SLC24A3: variants seen among roughly 807,000 people sequenced by gnomAD.
SLC24A3 encodes the protein sodium/potassium/calcium exchanger 3.
Under a neutral mutation model 75.8 loss-of-function variants are expected in SLC24A3, and 28 were observed. That is an observed-to-expected ratio of 0.37 (90% CI 0.27 to 0.51). The LOEUF (loss-of-function observed/expected upper bound fraction) is 0.51. SLC24A3 is among the 20% of genes least tolerant of loss of function. The pLI is 0.94. For missense variants in SLC24A3, 663 were observed against 847.8 expected (o/e 0.78, Z 2.71); for synonymous variants, 372 against 334.1 (o/e 1.11, Z -1.24).
intron 1 of SLC24A3, among the ~76,000 whole-genome samples, chr20:19,235,636 G>C (rs928255979): frequency 6.6e-6 from 1 of 152,158 alleles, no homozygotes; most frequent in African/African-American, 2.4e-5. Flanking sequence ...CCTTGTACTT[G>C]CACCTTCTGG....
chr20:19,422,140 A>C (rs1196498317), intron 2 of SLC24A3, among the ~76,000 whole-genome samples: 1 of 152,094 alleles, frequency 6.6e-6, no homozygotes, highest in African/African-American at 2.4e-5. Context: ...GAACACATGC[A>C]GACTGGGTAG....
chr20:19,671,359 T>A (rs1472699411), intron 8 of SLC24A3, among the ~76,000 whole-genome samples: 1 of 152,082 alleles, frequency 6.6e-6, no homozygotes, highest in East Asian at 1.9e-4. Flanking sequence ...GAAACTTTCA[T>A]TTTTTTTCTT....
chr20:19,435,208 A>G (rs1160025000), intron 2 of SLC24A3, among the ~76,000 whole-genome samples: 1 of 152,200 alleles, frequency 6.6e-6, no homozygotes, highest in African/African-American at 2.4e-5. Flanking sequence ...CAGCTGCAGA[A>G]AGTTGGGAAA....
rs376140146 is a variant in SLC24A3, at chr20:19,249,943, A to G, written c.143-31016A>G. Among the ~76,000 whole-genome samples the G allele has an allele frequency of 9.8e-5, 15 of 152,322 alleles. No homozygotes were observed. In the East Asian group the frequency reaches 2.3e-3, roughly 23 times the overall value. ...GACTGCCTATGCTCAGCATTTTCAG[A>G]CAGTTGTTCTTTGGAGGAGTCTTTG... On this transcript the variant is annotated intron_variant, in intron 1 of 16. Coordinates refer to ENST00000328041, the MANE Select transcript of SLC24A3 (RefSeq NM_020689.4).
At chr20:19,601,330 C>G (rs2031524446) in intron 6 of SLC24A3, among the ~76,000 whole-genome samples, 1 of 152,198 alleles carries the variant, frequency 6.6e-6, no homozygotes, top group Admixed American at 6.5e-5. Context: ...GCTGCCCTCT[C>G]AGAAATCTCC....
chr20:19,233,630 A>G (rs1160693288), intron 1 of SLC24A3, among the ~76,000 whole-genome samples: 6 of 152,176 alleles, frequency 3.9e-5, no homozygotes, highest in Admixed American at 3.9e-4. Context: ...GGAATGAAAT[A>G]TTTTATGTTG....
At chr20:19,537,132 C>T (rs967392037) in intron 3 of SLC24A3, among the ~76,000 whole-genome samples, 2 of 152,162 alleles carry the variant, frequency 1.3e-5, no homozygotes, top group Non-Finnish European at 2.9e-5. Flanking sequence ...ACTCACCTGA[C>T]AAAGGGCTAA....
At chr20:19,332,229 T>C (rs924560517) in intron 2 of SLC24A3, among the ~76,000 whole-genome samples, 3 of 152,152 alleles carry the variant, frequency 2.0e-5, no homozygotes, top group African/African-American at 7.2e-5. Context: ...ACTCTGATTA[T>C]TGTGTGGAGC....
At chr20:19,473,950 G>T (rs1012469170) in intron 2 of SLC24A3, among the ~76,000 whole-genome samples, 1 of 152,248 alleles carries the variant, frequency 6.6e-6, no homozygotes, top group Non-Finnish European at 1.5e-5. Context: ...CTGTCTGGAT[G>T]CTGAATTGTC....
chr20:19,681,119 T>TA (rs1342503312), intron 9 of SLC24A3, among the ~76,000 whole-genome samples: 1 of 152,156 alleles, frequency 6.6e-6, no homozygotes, highest in Non-Finnish European at 1.5e-5. Context: ...AGGGAGACTG[T>TA]AAAAAACCAT....
At chr20:19,536,579 G>A (rs964094873) in intron 3 of SLC24A3, among the ~76,000 whole-genome samples, 2 of 152,268 alleles carry the variant, frequency 1.3e-5, no homozygotes, top group African/African-American at 4.8e-5. Context: ...TCAATCCTAA[G>A]CCAAAAGAAC....
intron 2 of SLC24A3, among the ~76,000 whole-genome samples, chr20:19,297,354 C>T (rs575609744): frequency 2.0e-5 from 3 of 152,218 alleles, no homozygotes; most frequent in Admixed American, 1.3e-4. Flanking sequence ...AAACCTTTGC[C>T]CCCTGCCTCT....
chr20:19,443,307 C>A (rs1302078564), intron 2 of SLC24A3, among the ~76,000 whole-genome samples: 2 of 152,120 alleles, frequency 1.3e-5, no homozygotes, highest in Admixed American at 6.5e-5. Context: ...GTCTTGCTAT[C>A]CATTAACATG....
At chr20:19,280,291 A>G (rs1801902692) in intron 1 of SLC24A3, among the ~76,000 whole-genome samples, 1 of 152,140 alleles carries the variant, frequency 6.6e-6, no homozygotes, top group African/African-American at 2.4e-5. Flanking sequence ...TCTCTTGTTC[A>G]TTGAAAACAT....
At chr20:19,462,082 G>A (rs1987686891) in intron 2 of SLC24A3, among the ~76,000 whole-genome samples, 1 of 152,070 alleles carries the variant, frequency 6.6e-6, no homozygotes, top group South Asian at 2.1e-4. Flanking sequence ...CCTGTACATG[G>A]GTAAGTGCAT....
chr20:19,700,792 C>T (rs1472281586), intron 15 of SLC24A3, among the ~76,000 whole-genome samples: 1 of 152,158 alleles, frequency 6.6e-6, no homozygotes, highest in Non-Finnish European at 1.5e-5. Flanking sequence ...ACAGTATATT[C>T]CAAAGTGTAC....
intron 2 of SLC24A3, among the ~76,000 whole-genome samples, chr20:19,437,806 C>G (rs1987232066): frequency 5.3e-5 from 8 of 152,186 alleles, no homozygotes; most frequent in Admixed American, 5.2e-4. Context: ...CTGATCCTGT[C>G]TCCATCCTCC....
chr20:19,409,447 G>C (rs983665680), intron 2 of SLC24A3, among the ~76,000 whole-genome samples: 7 of 152,300 alleles, frequency 4.6e-5, no homozygotes, highest in Admixed American at 2.0e-4. Context: ...AGAAGGAGGA[G>C]AATGTTCTGT....
At chr20:19,541,427 C>A (rs1200270575) in intron 3 of SLC24A3, among the ~76,000 whole-genome samples, 1 of 152,240 alleles carries the variant, frequency 6.6e-6, no homozygotes, top group Non-Finnish European at 1.5e-5. Flanking sequence ...TTGTTGCCTC[C>A]TGCAAGCCCT....
Sources: allele counts gnomAD v4.1 joint callset (sites outside exome capture counted in the v4.1 genomes callset), GRCh38; gene constraint gnomAD v4.1.1; transcripts MANE v1.5; gene names NCBI Gene and HGNC (gene_info 2026-07-23, HGNC 2026-07-21).